ADIPOR1: variants seen among roughly 807,000 people sequenced by gnomAD.
ADIPOR1 encodes the protein adiponectin receptor 1.
Under a neutral mutation model 37.5 loss-of-function variants are expected in ADIPOR1, and 15 were observed. The observed-to-expected ratio is 0.40, with a 90% CI of 0.27 to 0.62. The LOEUF is 0.62. Among genes scored for constraint, ADIPOR1 ranks in the 20% least tolerant of loss-of-function variants. The pLI is 0.42. For synonymous variants in ADIPOR1, 173 were observed against 173.2 expected, an observed-to-expected ratio of 1.00 and a Z score of 0.01; for missense variants, 286 against 478.0, an observed-to-expected ratio of 0.60 and a Z score of 3.75.
In ADIPOR1 at chr1:202,945,016, C is replaced by A; in HGVS notation, c.584G>T (p.Cys195Phe). ...SFSWLFHTVYCHSEKVSRTFS... is the reference protein window; with the variant it reads ...SFSWLFHTVYFHSEKVSRTFS... Reference sequence around the variant, plus strand: ...AGTCCGAGAGACTTTCTCTGAATGACAATAGACGGTGTGAAAGAGCCAGGA... The same window carrying A: ...AGTCCGAGAGACTTTCTCTGAATGAAAATAGACGGTGTGAAAGAGCCAGGA... The change falls in exon 5 of 8, where the codon TGT becomes TTT. Residue 195 changes from cysteine (C) to phenylalanine (F), a missense_variant. Coordinates refer to ENST00000340990, the MANE Select transcript of ADIPOR1 (RefSeq NM_015999.6). 2 of 1,613,608 alleles carry A rather than the reference C, an allele frequency of 1.2e-6. No homozygotes were observed. Among genetic ancestry groups the A allele is most frequent in the Non-Finnish European group, 1.7e-6 (2 of 1,179,888 alleles).
intron 4 of ADIPOR1, 68 bp downstream of exon 4, chr1:202,946,371 T>C (rs764255945): frequency 1.2e-5 from 19 of 1,583,386 alleles, no homozygotes; most frequent in East Asian, 4.5e-5. Flanking sequence ...ACAACTTTGT[T>C]GGGCTCTATA....
chr1:202,958,320 C>A, upstream of ADIPOR1: 2 of 152,438 alleles, frequency 1.3e-5, no homozygotes, highest in South Asian at 4.1e-4. Flanking sequence ...CCTCCCGCGT[C>A]ACCTCCGCAG....
In ADIPOR1 at chr1:202,942,237, A is replaced by G. The variant is rs908052599; in HGVS notation, c.806-19T>C. 3 of 1,579,908 alleles carry G rather than the reference A, an allele frequency of 1.9e-6. No individual in the cohort carries two copies. The African/African-American group carries it at 4.1e-5, about 21-fold the overall frequency. On this transcript the variant is annotated intron_variant, in intron 6 of 7. Coordinates refer to ENST00000340990, the MANE Select transcript of ADIPOR1 (RefSeq NM_015999.6). ...AACACGCCTGAACAGAACAGACATA[A>G]GACTGTCAAACAAGGAAACAGCCAC...
At chr1:202,947,510 C>G (rs1205970351) in intron 3 of ADIPOR1, among the ~76,000 whole-genome samples, 3 of 146,062 alleles carry the variant, frequency 2.1e-5, no homozygotes, top group Admixed American at 2.0e-4. Flanking sequence ...GAGCAAAACT[C>G]TGTCTCAAAA....
chr1:202,954,951 T>C (rs1654721290), intron 1 of ADIPOR1, among the ~76,000 whole-genome samples: 2 of 152,102 alleles, frequency 1.3e-5, no homozygotes, highest in Admixed American at 1.3e-4. Flanking sequence ...AGTCTATGGG[T>C]AGCCTCTATC....
chr1:202,953,125 T>C (rs1173090614), intron 1 of ADIPOR1, among the ~76,000 whole-genome samples: 1 of 152,086 alleles, frequency 6.6e-6, no homozygotes, highest in African/African-American at 2.4e-5. Context: ...GGGCAACCCG[T>C]GTGAGAGGGA....
upstream of ADIPOR1, chr1:202,958,518 G>A (rs184003573): frequency 5.5e-3 from 843 of 152,862 alleles, 5 homozygotes; most frequent in Non-Finnish European, 8.7e-3. Context: ...CCGGGGTAGA[G>A]GACGTTCGTC....
chr1:202,949,323 G>A (rs1320335565), intron 2 of ADIPOR1, among the ~76,000 whole-genome samples: 2 of 151,204 alleles, frequency 1.3e-5, no homozygotes, highest in Admixed American at 1.3e-4. Context: ...GCTCACGCCT[G>A]TAATCCCAGC....
chr1:202,941,718 A>T lies in ADIPOR1; in HGVS notation c.1000-17T>A. ...AGACTGGAACTGTAGGAATAAAAAG[A>T]AAAGAGCCTTTAGGATAATGCAAGG... On this transcript the variant is annotated splice_polypyrimidine_tract_variant and intron_variant, in intron 7 of 7. Coordinates refer to ENST00000340990, the MANE Select transcript of ADIPOR1 (RefSeq NM_015999.6). The T allele has an allele frequency of 1.9e-6, 3 of 1,604,744 alleles. No homozygotes were observed. Among genetic ancestry groups the T allele is most frequent in the Non-Finnish European group, 2.5e-6 (3 of 1,177,756 alleles).
chr1:202,954,938 G>C (rs925006079), intron 1 of ADIPOR1, among the ~76,000 whole-genome samples: 1 of 152,090 alleles, frequency 6.6e-6, no homozygotes, highest in Non-Finnish European at 1.5e-5. Flanking sequence ...TGGGCCTTTA[G>C]AGAGTCTATG....
At chr1:202,954,277 C>G (rs1363935233) in intron 1 of ADIPOR1, 1 of 152,200 alleles carries the variant, frequency 6.6e-6, no homozygotes, top group Non-Finnish European at 1.5e-5. Context: ...TCATAGTGAG[C>G]AAAGTCCATT....
chr1:202,955,691 A>G (rs1210438281), intron 1 of ADIPOR1, among the ~76,000 whole-genome samples: 1 of 151,676 alleles, frequency 6.6e-6, no homozygotes, highest in Non-Finnish European at 1.5e-5. Flanking sequence ...TGCAGCCTAT[A>G]CTCCTGGACT....
chr1:202,957,836 A>G (rs1198800562), intron 1 of ADIPOR1, among the ~76,000 whole-genome samples: 1 of 152,002 alleles, frequency 6.6e-6, no homozygotes, highest in Non-Finnish European at 1.5e-5. Flanking sequence ...GCCAGGCTTA[A>G]CTCTGGCTCT....
intron 3 of ADIPOR1, among the ~76,000 whole-genome samples, chr1:202,947,806 TA>T (rs1654396166): frequency 6.6e-6 from 1 of 152,132 alleles, no homozygotes; most frequent in South Asian, 2.1e-4. Context: ...TACCTCTAAG[TA>T]AATTGAGCAT....
chr1:202,956,841 G>A (rs1255888110), intron 1 of ADIPOR1, among the ~76,000 whole-genome samples: 1 of 152,124 alleles, frequency 6.6e-6, no homozygotes, highest in Non-Finnish European at 1.5e-5. Flanking sequence ...TCAGCAATGG[G>A]GATCAGTGGA....
chr1:202,943,335 G>A (rs1199875669), intron 6 of ADIPOR1, among the ~76,000 whole-genome samples: 1 of 152,192 alleles, frequency 6.6e-6, no homozygotes, highest in African/African-American at 2.4e-5. Flanking sequence ...CTATTACTTT[G>A]TTACCTGTTT....
intron 1 of ADIPOR1, among the ~76,000 whole-genome samples, chr1:202,952,042 T>C (rs972959150): frequency 6.6e-6 from 1 of 152,080 alleles, no homozygotes; most frequent in Non-Finnish European, 1.5e-5. Context: ...CTCAGACACT[T>C]TAGGTTTTCC....
At chr1:202,945,705 T>C (rs1487936664) in intron 4 of ADIPOR1, among the ~76,000 whole-genome samples, 3 of 152,220 alleles carry the variant, frequency 2.0e-5, no homozygotes, top group South Asian at 2.1e-4. Flanking sequence ...ATAATGTCTT[T>C]TGCAGCAACC....
At position 202,949,407 on chromosome 1, in the gene ADIPOR1, T is replaced by C. The variant is rs370089322; in HGVS notation, c.142-987A>G. Among the ~76,000 whole-genome samples, 395 of 151,126 alleles carry C rather than the reference T, an allele frequency of 2.6e-3. 2 individuals carry two copies. The East Asian group carries it at 0.035, about 13-fold the overall frequency. On this transcript the variant is annotated intron_variant, in intron 2 of 7. Coordinates refer to ENST00000340990, the MANE Select transcript of ADIPOR1 (RefSeq NM_015999.6). ...CATCCTGGCTAACACGGTGAAACCC[T>C]GTCTCTACTAAAAATACAAAAAATT...
Sources: allele counts gnomAD v4.1 joint callset (sites outside exome capture counted in the v4.1 genomes callset), GRCh38; gene constraint gnomAD v4.1.1; transcripts MANE v1.5; gene names NCBI Gene and HGNC (gene_info 2026-07-23, HGNC 2026-07-21).